The following PICALM variants were observed in gnomAD, a reference collection of about 807,000 sequenced individuals.
The protein encoded by PICALM is phosphatidylinositol binding clathrin assembly protein.
A neutral mutation model predicts 80.5 loss-of-function variants in PICALM; 40 were observed. The ratio of observed to expected loss-of-function variants is 0.50; its 90% CI spans 0.39 to 0.65. PICALM has a LOEUF of 0.65. PICALM is among the 30% of genes least tolerant of loss of function. The pLI is 0.00. For missense variants in PICALM, 676 were observed against 778.9 expected (o/e 0.87, Z 1.57); for synonymous variants, 288 against 260.3 (o/e 1.11, Z -1.02).
intron 8 of PICALM, among the ~76,000 whole-genome samples, chr11:86,005,990 A>C (rs1391514891): frequency 6.6e-6 from 1 of 152,204 alleles, no homozygotes; most frequent in Non-Finnish European, 1.5e-5. Flanking sequence ...AATAGGGTGA[A>C]TATTAACATA....
Position 86,042,389 on chromosome 11 carries a change from T to A in PICALM, c.131-10778A>T, listed in dbSNP as rs143559772. Among the ~76,000 whole-genome samples, 476 of 152,240 alleles carry A rather than the reference T, an allele frequency of 3.1e-3. 4 individuals carry two copies. Among genetic ancestry groups the A allele is most frequent in the South Asian group, 0.011 (51 of 4,820 alleles). ...TGGAATAAAAACTCATCACTTAATA[T>A]AAGAATTAAAAATTTTATTTAAACA... On this transcript the variant is annotated intron_variant, in intron 1 of 19. Coordinates refer to ENST00000393346, the MANE Select transcript of PICALM (RefSeq NM_007166.4).
rs187672146 is a variant in PICALM at position 85,971,641 on chromosome 11, C to T, written c.1944+3067G>A. ...ATCTCAGCTACTCAGGAGGCCAAGG[C>T]GGGAGGATGGCTTGAACATGGGAGA... is the stretch of plus-strand genomic sequence containing the variant. On this transcript the variant is annotated intron_variant, in intron 19 of 19. Transcript: ENST00000393346. Among the ~76,000 whole-genome samples, 470 of 151,526 alleles carry T rather than the reference C, an allele frequency of 3.1e-3. 4 individuals are homozygous for T. Among genetic ancestry groups the T allele is most frequent in the South Asian group, 0.01 (50 of 4,802 alleles).
At chr11:86,011,851 G>GTTTTT (rs71040204) in intron 6 of PICALM, among the ~76,000 whole-genome samples, 1 of 132,974 alleles carries the variant, frequency 7.5e-6, no homozygotes, top group Non-Finnish European at 1.6e-5. Context: ...TATCCTTTTT[G>GTTTTT]TTTTTTTTTT....
At chr11:86,054,073 A>G (rs2096234029) in intron 1 of PICALM, among the ~76,000 whole-genome samples, 1 of 152,204 alleles carries the variant, frequency 6.6e-6, no homozygotes, top group Non-Finnish European at 1.5e-5. Context: ...TAAATTTGGA[A>G]CTCAATAAAA....
intron 1 of PICALM, among the ~76,000 whole-genome samples, chr11:86,066,161 C>T (rs896227809): frequency 6.6e-6 from 1 of 152,126 alleles, no homozygotes; most frequent in Non-Finnish European, 1.5e-5. Context: ...CCGTAGAAGA[C>T]TTTTTAATTT....
intron 1 of PICALM, among the ~76,000 whole-genome samples, chr11:86,051,809 AT>A (rs1252159037): frequency 1.3e-5 from 2 of 152,196 alleles, no homozygotes; most frequent in Non-Finnish European, 2.9e-5. Context: ...TCCCCTTCAG[AT>A]TGCCTGACCT....
At chr11:86,008,983 G>T (rs1246378063) in intron 7 of PICALM, among the ~76,000 whole-genome samples, 2 of 150,638 alleles carry the variant, frequency 1.3e-5, no homozygotes, top group Admixed American at 1.3e-4. Flanking sequence ...AAAGCGTAAG[G>T]TAAGGGACTC....
intron 1 of PICALM, among the ~76,000 whole-genome samples, chr11:86,032,042 T>G (rs2095760290): frequency 6.6e-6 from 1 of 152,178 alleles, no homozygotes; most frequent in African/African-American, 2.4e-5. Context: ...TACAGAAGAA[T>G]GAACAAAATG....
At chr11:85,965,802 A>ATTTTT (rs1202220050) in intron 19 of PICALM, among the ~76,000 whole-genome samples, 8 of 105,758 alleles carry the variant, frequency 7.6e-5, no homozygotes, top group African/African-American at 2.2e-4. Context: ...TGCATTACCC[A>ATTTTT]TTTTGTTTTT....
At chr11:86,068,072 AC>A (rs2096471217) in intron 1 of PICALM, among the ~76,000 whole-genome samples, 1 of 152,250 alleles carries the variant, frequency 6.6e-6, no homozygotes, top group African/African-American at 2.4e-5. Flanking sequence ...TGAAAAGGTA[AC>A]CCAAAAGCAG....
At chr11:85,995,300 C>T (rs192689811) in intron 12 of PICALM, among the ~76,000 whole-genome samples, 2 of 151,972 alleles carry the variant, frequency 1.3e-5, no homozygotes, top group South Asian at 2.1e-4. Context: ...GCAAAATAAC[C>T]GAAAATAGAA....
intron 19 of PICALM, among the ~76,000 whole-genome samples, chr11:85,964,458 T>C (rs541162430): frequency 3.9e-5 from 6 of 152,228 alleles, no homozygotes; most frequent in Non-Finnish European, 8.8e-5. Flanking sequence ...TCTTATAAAA[T>C]GGGATTTAGA....
At chr11:86,057,095 T>C (rs2096281062) in intron 1 of PICALM, among the ~76,000 whole-genome samples, 1 of 152,138 alleles carries the variant, frequency 6.6e-6, no homozygotes, top group Non-Finnish European at 1.5e-5. Flanking sequence ...TGGGGATGGT[T>C]GCACACAACA....
rs535607992 is a variant in PICALM at position 86,043,132 on chromosome 11, T to C, written c.131-11521A>G. 1.3e-5 allele frequency among the ~76,000 whole-genome samples: 2 copies of C among 152,312 alleles called. 1 individual carries two copies. Among genetic ancestry groups the C allele is most frequent in the South Asian group, 4.1e-4 (2 of 4,824 alleles). ...GACATATTACACATCACCTTAGTTA[T>C]AAGCACACTAATAAAAGTTTACATG... is the stretch of plus-strand genomic sequence containing the variant. On this transcript the variant is annotated intron_variant, in intron 1 of 19. Transcript: ENST00000393346.
intron 1 of PICALM, 37 bp downstream of exon 1, chr11:86,068,614 G>A (rs1440454596): frequency 6.3e-7 from 1 of 1,588,816 alleles, no homozygotes; most frequent in Non-Finnish European, 8.6e-7. Flanking sequence ...GGTCGCGCGG[G>A]CGCCGGGGAG....
At chr11:86,044,055 C>G (rs557587301) in intron 1 of PICALM, among the ~76,000 whole-genome samples, 2 of 152,142 alleles carry the variant, frequency 1.3e-5, no homozygotes, top group Admixed American at 1.3e-4. Flanking sequence ...TACTATAATA[C>G]GCCAATAGTG....
chr11:86,065,152 T>C (rs1233348006), intron 1 of PICALM, among the ~76,000 whole-genome samples: 1 of 151,516 alleles, frequency 6.6e-6, no homozygotes, highest in Non-Finnish European at 1.5e-5. Context: ...AAGTTATAAA[T>C]TAAAAATTGT....
chr11:86,061,673 C>T (rs571076893), intron 1 of PICALM, among the ~76,000 whole-genome samples: 6 of 152,312 alleles, frequency 3.9e-5, no homozygotes, highest in South Asian at 2.1e-4. Context: ...GGTACCATCA[C>T]TTTGAAAGAC....
At chr11:85,973,236 CCAAA>C (rs1002475018) in intron 19 of PICALM, among the ~76,000 whole-genome samples, 4 of 152,248 alleles carry the variant, frequency 2.6e-5, no homozygotes, top group East Asian at 1.9e-4. Flanking sequence ...CCACTCTCAG[CCAAA>C]CAGAGATATC....
Sources: gnomAD v4.1 joint callset for allele counts (sites outside exome capture counted in the v4.1 genomes callset) on GRCh38, gnomAD v4.1.1 for gene constraint, MANE v1.5 for transcripts, NCBI Gene and HGNC (gene_info 2026-07-23, HGNC 2026-07-21) for gene names.